Variants in DSCAML1 observed in about 807,000 individuals in gnomAD.
DSCAML1 encodes cell adhesion molecule DSCAML1.
DSCAML1 carries 38 observed loss-of-function variants against 200.5 expected under a neutral mutation model. The observed-to-expected ratio is 0.19, with a 90% confidence interval of 0.15 to 0.25. The LOEUF (loss-of-function observed/expected upper bound fraction) is 0.25. Among genes scored for constraint, DSCAML1 ranks in the 10% least tolerant of loss-of-function variants. The probability of loss-of-function intolerance (pLI) is 1.00; values close to 1 mark genes in which losing one functional copy is unlikely to be tolerated. For missense variants in DSCAML1, 2,223 were observed against 2,858.8 expected (o/e 0.78, Z 5.07); for synonymous variants, 1,215 against 1,165.0 (o/e 1.04, Z -0.87).
At chr11:117,622,872 T>C (rs1241829736) in intron 3 of DSCAML1, among the ~76,000 whole-genome samples, 4 of 152,186 alleles carry the variant, frequency 2.6e-5, no homozygotes, top group African/African-American at 9.7e-5. Flanking sequence ...GTAATACAGA[T>C]TATATATAAA....
At chr11:117,777,235 G>C (rs140525033) in intron 2 of DSCAML1, among the ~76,000 whole-genome samples, 1 of 152,114 alleles carries the variant, frequency 6.6e-6, no homozygotes, top group African/African-American at 2.4e-5. Context: ...TTCCCATTTC[G>C]GTATTAGCAA....
intron 14 of DSCAML1, among the ~76,000 whole-genome samples, chr11:117,478,526 C>A (rs1437365577): frequency 6.6e-6 from 1 of 152,234 alleles, no homozygotes; most frequent in South Asian, 2.1e-4. Context: ...ATTTCTTCCA[C>A]TCACATTCAT....
chr11:117,776,426 C>T (rs554047289), intron 3 of DSCAML1, among the ~76,000 whole-genome samples: 1 of 152,208 alleles, frequency 6.6e-6, no homozygotes, highest in East Asian at 1.9e-4. Context: ...TTCCTCCTCC[C>T]CTTGCCACCT....
At chr11:117,667,723 T>G (rs1414236011) in intron 3 of DSCAML1, among the ~76,000 whole-genome samples, 1 of 152,254 alleles carries the variant, frequency 6.6e-6, no homozygotes, top group African/African-American at 2.4e-5. Flanking sequence ...CCTTCAGAGT[T>G]GATCGTTGAT....
chr11:117,785,640 T>C (rs952049046), intron 1 of DSCAML1, among the ~76,000 whole-genome samples: 3 of 152,152 alleles, frequency 2.0e-5, no homozygotes, highest in African/African-American at 7.2e-5. Flanking sequence ...CAGTGGTGCC[T>C]GAGGTTATCC....
chr11:117,744,168 C>T (rs2054473624), intron 3 of DSCAML1, among the ~76,000 whole-genome samples: 1 of 152,248 alleles, frequency 6.6e-6, no homozygotes, highest in East Asian at 1.9e-4. Flanking sequence ...AACAACCCTG[C>T]AAGGTAAGTA....
At chr11:117,555,805 C>T (rs2050548805) in intron 3 of DSCAML1, among the ~76,000 whole-genome samples, 3 of 151,986 alleles carry the variant, frequency 2.0e-5, no homozygotes, top group Non-Finnish European at 4.4e-5. Flanking sequence ...CATGCTGGGC[C>T]CTACAGACAT....
intron 14 of DSCAML1, among the ~76,000 whole-genome samples, chr11:117,477,349 A>AGTGTGTGTGTGT (rs5795087): frequency 7.1e-5 from 10 of 140,210 alleles, no homozygotes; most frequent in South Asian, 2.5e-4. Context: ...TGGTTCTGAA[A>AGTGTGTGTGTGT]GTGTGTGTGT....
At chr11:117,762,306 G>A (rs1442892817) in intron 3 of DSCAML1, among the ~76,000 whole-genome samples, 1 of 152,092 alleles carries the variant, frequency 6.6e-6, no homozygotes. Context: ...TATAGACCAT[G>A]AGGAAACAGA....
At chr11:117,578,148 T>G (rs906540412) in intron 3 of DSCAML1, among the ~76,000 whole-genome samples, 3 of 147,756 alleles carry the variant, frequency 2.0e-5, no homozygotes, top group Non-Finnish European at 4.5e-5. Context: ...GGCAGGAGAA[T>G]TGCCTGAAGC....
chr11:117,584,799 G>A (rs1333046767), intron 3 of DSCAML1, among the ~76,000 whole-genome samples: 1 of 152,172 alleles, frequency 6.6e-6, no homozygotes, highest in Non-Finnish European at 1.5e-5. Context: ...GCAATATAGT[G>A]GCATAGAGCA....
At chr11:117,649,749 C>A (rs1319297986) in intron 3 of DSCAML1, among the ~76,000 whole-genome samples, 1 of 152,214 alleles carries the variant, frequency 6.6e-6, no homozygotes, top group African/African-American at 2.4e-5. Context: ...ATTCCTTGGT[C>A]CTAAACCTGT....
chr11:117,526,462 T>C (rs975939918), intron 4 of DSCAML1, among the ~76,000 whole-genome samples: 1 of 152,186 alleles, frequency 6.6e-6, no homozygotes, highest in Non-Finnish European at 1.5e-5. Context: ...TCTCAATGAC[T>C]CCCACAGATT....
intron 3 of DSCAML1, among the ~76,000 whole-genome samples, chr11:117,537,466 G>A (rs916911127): frequency 1.2e-4 from 19 of 152,322 alleles, no homozygotes; most frequent in African/African-American, 4.3e-4. Flanking sequence ...AGGGGTGGCG[G>A]GGAAAGCCCA....
rs2137049059 is a variant in DSCAML1 at position 117,428,377 on chromosome 11, G to A, written c.6113C>T (p.Ser2038Phe). 1 of 1,593,180 alleles carries A rather than the reference G, an allele frequency of 6.3e-7. No individual in the cohort carries two copies. Among genetic ancestry groups the A allele is most frequent in the Non-Finnish European group, 8.5e-7 (1 of 1,171,434 alleles). ...GTAGGCCCCGGCCCCCTGCTTCTGA[G>A]ACCTCCCTACCCCCGATGTGCTCAT... ...LEMSTSGVGR[S>F]QKQGAGAYSK... The change falls in exon 33 of 33, where the codon TCT (serine) becomes TTT (phenylalanine). Residue 2038 changes from serine (S) to phenylalanine (F), a missense_variant. Physicochemically the swap from Ser to Phe is radical, Grantham distance 155. Around this residue, in one of 7 missense-constraint regions of DSCAML1, gnomAD observed 280 missense variants for 213.4 expected, o/e 1.31. Transcript: ENST00000651296.
Position 117,432,564 on chromosome 11 carries a change from G to T in DSCAML1, c.5027-60C>A, listed in dbSNP as rs549559691. On this transcript the variant is annotated intron_variant, in intron 29 of 32. Coordinates refer to ENST00000651296, the MANE Select transcript of DSCAML1 (RefSeq NM_020693.4). ...ACAATTGTTTTTTAAAGCTCTTTTG[G>T]ATGTGACTGAATTTCTCTTTGTCTT... The T allele has an allele frequency of 1.6e-5, 25 of 1,526,938 alleles. No homozygotes were observed. In the East Asian group the frequency reaches 5.6e-4, roughly 34 times the overall value. The allele number at this position is 1,526,938 out of a possible 1,614,324, so 94.6% of individuals were successfully genotyped here.
intron 3 of DSCAML1, among the ~76,000 whole-genome samples, chr11:117,594,286 T>A (rs1374155256): frequency 6.6e-6 from 1 of 152,218 alleles, no homozygotes; most frequent in African/African-American, 2.4e-5. Flanking sequence ...GGCACATACC[T>A]GTGGGTCTAT....
intron 3 of DSCAML1, among the ~76,000 whole-genome samples, chr11:117,620,377 CCT>C (rs1361300241): frequency 2.6e-5 from 4 of 152,186 alleles, no homozygotes; most frequent in Admixed American, 2.0e-4. Flanking sequence ...CCTCCCCTCT[CCT>C]CTCTTTCTCT....
chr11:117,708,754 A>G (rs2053794727), intron 3 of DSCAML1, among the ~76,000 whole-genome samples: 2 of 152,204 alleles, frequency 1.3e-5, no homozygotes, highest in Admixed American at 1.3e-4. Context: ...TACATTACAC[A>G]CAAGTGAAGC....
Sources: gnomAD v4.1 joint callset for allele counts (sites outside exome capture counted in the v4.1 genomes callset) on GRCh38, gnomAD v4.1.1 for gene constraint, gnomAD v4.1.1 regional missense constraint, MANE v1.5 for transcripts, NCBI Gene and HGNC (gene_info 2026-07-23, HGNC 2026-07-21) for gene names.